MAP1A: variants seen among roughly 807,000 people sequenced by gnomAD.
MAP1A encodes microtubule associated protein 1A, also known as microtubule-associated protein 1A.
Under a neutral mutation model 185.9 loss-of-function variants are expected in MAP1A, and 42 were observed. The ratio of observed to expected loss-of-function variants is 0.23; its 90% CI spans 0.18 to 0.29. MAP1A has a LOEUF of 0.29. Ranked by LOEUF, MAP1A falls within the 10% of genes least tolerant of loss-of-function variation. MAP1A has a pLI of 1.00. For missense variants in MAP1A, 2,995 were observed against 3,450.4 expected (o/e 0.87, Z 3.31); for synonymous variants, 1,229 against 1,335.9 (o/e 0.92, Z 1.74).
chr15:43,528,712 G>A lies in MAP1A; in HGVS notation c.7239G>A (p.Val2413=). ...PDTLLSPEQP[V]CPAGGSGGPP... ...CATTGCTCTCCCCTGAGCAGCCAGT[G>A]TGTCCTGCAGGGGGCTCCGGGGGCC... The change falls in exon 4 of 6, where the codon GTG becomes GTA. Residue 2413 remains valine (V), a synonymous_variant. Coordinates refer to ENST00000300231, the MANE Select transcript of MAP1A (RefSeq NM_002373.6). The A allele has an allele frequency of 6.2e-7, 1 of 1,613,624 alleles. No individual in the cohort carries two copies. The highest frequency in any genetic ancestry group is 8.5e-7 in the Non-Finnish European group (1 of 1,179,844).
rs536586921 is a variant in MAP1A at position 43,526,933 on chromosome 15, C to T, written c.5460C>T (p.Ile1820=). The T allele has an allele frequency of 4.8e-5, 78 of 1,613,882 alleles. No homozygotes were observed. Among genetic ancestry groups the T allele is most frequent in the South Asian group, 2.4e-4 (22 of 91,080 alleles). ...VPSAPGQESP[I]PDPKLMPHMK... is the part of the protein sequence containing the mutation. ...CAGCCCCAGGACAAGAGAGTCCTAT[C>T]CCAGACCCTAAGCTCATGCCACACA... The change falls in exon 4 of 6, where the codon ATC becomes ATT. Residue 1820 remains isoleucine (I), a synonymous_variant. Transcript: ENST00000300231. The surrounding 1 kb of genome is among the most constrained non-coding windows in gnomAD (Gnocchi z 4.7).
chr15:43,525,428 C>A lies in MAP1A; in HGVS notation c.3955C>A (p.Pro1319Thr). 1 of 1,614,178 alleles carries A rather than the reference C, an allele frequency of 6.2e-7. No individual in the cohort carries two copies. The highest frequency in any genetic ancestry group is 1.1e-5 in the South Asian group (1 of 91,090). Residue 1319 changes from proline (P) to threonine (T), a missense_variant, in exon 4 of 6, where the codon CCT becomes ACT. Coordinates refer to ENST00000300231, the MANE Select transcript of MAP1A (RefSeq NM_002373.6). ...AAGCCCTGATGAACACATTCTGACA[C>A]CTGATAGCTCCTTCTCCAAGAGTCC... ...ITSPDEHILT[P>T]DSSFSKSPES...
chr15:43,529,010 T>G lies in MAP1A; in HGVS notation c.7537T>G (p.Ser2513Ala). The change falls in exon 4 of 6, where the codon TCT becomes GCT. Residue 2513 changes from serine to alanine, a missense_variant. This residue lies in a region of MAP1A where 2,728 missense variants were observed against 2,986.0 expected (regional missense o/e 0.91). Coordinates refer to ENST00000300231, the MANE Select transcript of MAP1A (RefSeq NM_002373.6). The surrounding 1 kb of genome is among the most constrained non-coding windows in gnomAD (Gnocchi z 4.3). Reference protein sequence around the residue: ...ASDSGSSQSDSDVPPETEECP... With the variant: ...ASDSGSSQSDADVPPETEECP... The stretch of plus-strand genomic sequence containing the variant: ...TGACTCAGGCTCCTCACAGTCAGAT[T>G]CTGATGTCCCGCCAGAAACTGAGGA... 1 of 1,613,722 alleles carries G rather than the reference T, an allele frequency of 6.2e-7. No homozygotes were observed. The highest frequency in any genetic ancestry group is 8.5e-7 in the Non-Finnish European group (1 of 1,179,990).
chr15:43,527,939 C>T lies in MAP1A; in HGVS notation c.6466C>T (p.Pro2156Ser). Residue 2156 changes from proline (P) to serine (S), a missense_variant, in exon 4 of 6, where the codon CCT (proline) becomes TCT (serine). Physicochemically the swap from Pro to Ser is moderately conservative, Grantham distance 74. Transcript: ENST00000300231. ...VSPPLDSHLGPARPSLDFPAS... is the reference protein window; with the variant it reads ...VSPPLDSHLGSARPSLDFPAS... ...CCCTCCCTTGGACTCACACCTGGGGCCTGCCCGACCCAGTCTGGACTTCCC... is the reference window on the plus strand; with the variant it reads ...CCCTCCCTTGGACTCACACCTGGGGTCTGCCCGACCCAGTCTGGACTTCCC... 1 of 1,614,146 alleles carries T rather than the reference C, an allele frequency of 6.2e-7. No homozygotes were observed. Among genetic ancestry groups the T allele is most frequent in the Non-Finnish European group, 8.5e-7 (1 of 1,180,022 alleles).
chr15:43,517,548 C>A, upstream of MAP1A: 1 of 254,290 alleles, frequency 3.9e-6, no homozygotes. Flanking sequence ...AGCCCCTCTT[C>A]CCCGCCCTGG....
At chr15:43,514,793 C>T (rs1183273935), upstream of MAP1A, among the ~76,000 whole-genome samples, 15 of 152,192 alleles carry the variant, frequency 9.9e-5, 1 homozygote, top group Admixed American at 9.8e-4. Flanking sequence ...TCCGAGCATT[C>T]TAATACAAAT....
chr15:43,510,972 A>G, exon 1 of MAP1A: 1 of 1,512,478 alleles, frequency 6.6e-7, no homozygotes, highest in Non-Finnish European at 8.9e-7. Context: ...CCGGACTAAC[A>G]CTCCGCGGGT....
chr15:43,511,090 C>G (rs760335750), exon 1 of MAP1A: 232 of 1,550,064 alleles, frequency 1.5e-4, no homozygotes, highest in Non-Finnish European at 1.8e-4. Context: ...CTCAGAACCC[C>G]GCGGAGCTGC....
chr15:43,524,979 C>G lies in MAP1A; in HGVS notation c.3506C>G (p.Thr1169Ser). 6.2e-7 allele frequency: 1 copy of G among 1,614,166 alleles called. No individual in the cohort carries two copies. The highest frequency in any genetic ancestry group is 8.5e-7 in the Non-Finnish European group (1 of 1,180,030). Reference sequence around the variant, plus strand: ...CCAGACACTGCCAACCAAGAGCCTACCCCCAAGTCTCCCTGTGGCCTGACA... The same window carrying G: ...CCAGACACTGCCAACCAAGAGCCTAGCCCCAAGTCTCCCTGTGGCCTGACA... ...PSPDTANQEPTPKSPCGLTEQ... is the reference protein window; with the variant it reads ...PSPDTANQEPSPKSPCGLTEQ... Residue 1169 changes from threonine (T) to serine (S), a missense_variant, in exon 4 of 6, where the codon ACC (threonine) becomes AGC (serine). Physicochemically the swap from Thr to Ser is moderately conservative, Grantham distance 58. This residue lies in a region of MAP1A where 2,728 missense variants were observed against 2,986.0 expected (regional missense o/e 0.91). Transcript: ENST00000300231.
In MAP1A at chr15:43,511,348, G is replaced by T. The variant is rs1490071018; in HGVS notation, c.238+122G>T. On this transcript the variant is annotated intron_variant, in intron 1 of 6. Transcript: ENST00000382031. ...CTAGTGTGCACTTCCTGAGATCTGC[G>T]CCCTTGTCACCTGCATCTTCCATGC... 14 of 736,334 alleles carry T rather than the reference G, an allele frequency of 1.9e-5. No individual in the cohort carries two copies. The Admixed American group carries it at 3.3e-4, about 17-fold the overall frequency. 45.6% of individuals were successfully genotyped at this position (736,334 alleles called of 1,614,324 possible). A position where few individuals can be genotyped will look rare whatever the true frequency, so the allele number is the denominator to read the frequency against.
chr15:43,523,076 T>A lies in MAP1A; in HGVS notation c.1603T>A (p.Phe535Ile). The A allele has an allele frequency of 6.2e-7, 1 of 1,614,058 alleles. No individual in the cohort carries two copies. Among genetic ancestry groups the A allele is most frequent in the South Asian group, 1.1e-5 (1 of 91,072 alleles). Residue 535 changes from phenylalanine to isoleucine, a missense_variant, in exon 4 of 6, where the codon TTT becomes ATT. Phe to Ile is a conservative substitution (Grantham distance 21, BLOSUM62 0). Coordinates refer to ENST00000300231, the MANE Select transcript of MAP1A (RefSeq NM_002373.6). ...CTCACCAGAGGACCTCACACAGGAC[T>A]TTGAGGAGATGAAGCGTGAGGAGAG... ...LSSPEDLTQDFEEMKREERAL... is the reference protein window; with the variant it reads ...LSSPEDLTQDIEEMKREERAL...
In MAP1A at chr15:43,521,611, T is replaced by G; in HGVS notation, c.138T>G (p.Gly46=). 6.2e-7 allele frequency: 1 copy of G among 1,614,080 alleles called. No homozygotes were observed. The highest frequency in any genetic ancestry group is 1.3e-5 in the African/African-American group (1 of 75,040). The change falls in exon 4 of 6, where the codon GGT becomes GGG. Residue 46 remains glycine (G), a synonymous_variant. Coordinates refer to ENST00000300231, the MANE Select transcript of MAP1A (RefSeq NM_002373.6). The surrounding 1 kb of genome is among the most constrained non-coding windows in gnomAD (Gnocchi z 4.6). ...SKPCCYIFPG[G]RGDSALFAVN... ...CTTGTTGCTACATCTTCCCAGGTGG[T>G]CGTGGGGACTCTGCCCTCTTTGCTG... is the stretch of plus-strand genomic sequence containing the variant.
chr15:43,511,108 G>C (rs1300512886), exon 1 of MAP1A: 2 of 1,550,246 alleles, frequency 1.3e-6, no homozygotes, highest in Non-Finnish European at 1.7e-6. Flanking sequence ...TGCTGTGCGA[G>C]GCCGGAGCCG....
At chr15:43,512,027 T>C (rs1481654224) in intron 1 of MAP1A, among the ~76,000 whole-genome samples, 1 of 152,220 alleles carries the variant, frequency 6.6e-6, no homozygotes, top group Non-Finnish European at 1.5e-5. Flanking sequence ...AAAGACACCA[T>C]TACTAGCCAC....
rs180673107 is a variant in MAP1A, at chr15:43,524,567, G to A, written c.3094G>A (p.Asp1032Asn). ...QDFQEADSWG[D>N]TKRTPGVGKE... ...CTTTCAGGAGGCAGACTCCTGGGGA[G>A]ACACTAAGCGCACACCAGGTGTGGG... Residue 1032 changes from aspartate (D) to asparagine (N), a missense_variant, in exon 4 of 6, where the codon GAC becomes AAC. Physicochemically the swap from Asp to Asn is conservative, Grantham distance 23. Transcript: ENST00000300231. The A allele has an allele frequency of 5.0e-5, 80 of 1,614,128 alleles. 1 individual carries two copies. In the East Asian group the frequency reaches 7.4e-4, roughly 15 times the overall value.
chr15:43,521,150 C>A lies in MAP1A; in HGVS notation c.-151+38C>A. The A allele has an allele frequency of 2.0e-6, 3 of 1,527,802 alleles. No individual in the cohort carries two copies. The African/African-American group carries it at 4.1e-5, about 21-fold the overall frequency. The allele number at this position is 1,527,802 out of a possible 1,614,324, so 94.6% of individuals were successfully genotyped here. Reference sequence around the variant, plus strand: ...CCAGAGTGTCTGGGAGAAAGGGTAGCACTAGAGCTGTGGGAGGGATCTAAG... The same window carrying A: ...CCAGAGTGTCTGGGAGAAAGGGTAGAACTAGAGCTGTGGGAGGGATCTAAG... On this transcript the variant is annotated intron_variant, in intron 3 of 5. Coordinates refer to ENST00000300231, the MANE Select transcript of MAP1A (RefSeq NM_002373.6). This position sits in a 1 kb window ranked among gnomAD's most constrained non-coding sequence, Gnocchi z 4.6.
At chr15:43,513,776 C>T (rs1183030608), upstream of MAP1A, among the ~76,000 whole-genome samples, 1 of 152,218 alleles carries the variant, frequency 6.6e-6, no homozygotes, top group East Asian at 1.9e-4. Flanking sequence ...GTCATGGCTT[C>T]CTCCATTTAT....
chr15:43,512,125 C>A, intron 1 of MAP1A: 1 of 865,940 alleles, frequency 1.2e-6, no homozygotes, highest in Non-Finnish European at 1.9e-6. Flanking sequence ...TGAAAGTGTT[C>A]CTGCAGTCTC....
In MAP1A at chr15:43,523,232, G is replaced by C; in HGVS notation, c.1759G>C (p.Glu587Gln). Residue 587 changes from glutamate to glutamine, a missense_variant, in exon 4 of 6, where the codon GAA becomes CAA. Around this residue, in one of 3 missense-constraint regions of MAP1A, gnomAD observed 2,728 missense variants for 2,986.0 expected, o/e 0.91. Transcript: ENST00000300231. The part of the protein sequence containing the change: ...PPSVPGLGQE[E>Q]HVMKEKELVP... ...CTCTGTTCCAGGGCTGGGACAAGAA[G>C]AACATGTGATGAAGGAGAAAGAGCT... The C allele has an allele frequency of 6.2e-7, 1 of 1,614,130 alleles. No individual in the cohort carries two copies. The highest frequency in any genetic ancestry group is 8.5e-7 in the Non-Finnish European group (1 of 1,180,022).
Sources: allele counts gnomAD v4.1 joint callset (sites outside exome capture counted in the v4.1 genomes callset), GRCh38; gene constraint gnomAD v4.1.1; regional missense constraint gnomAD v4.1.1; non-coding constraint Gnocchi (gnomAD v3.1); transcripts MANE v1.5; gene names NCBI Gene and HGNC (gene_info 2026-07-23, HGNC 2026-07-21).